Variants in CRYBG1 observed in about 807,000 individuals in gnomAD.
The protein encoded by CRYBG1 is crystallin beta-gamma domain containing 1.
Under a neutral mutation model 189.2 loss-of-function variants are expected in CRYBG1, and 139 were observed. The observed-to-expected ratio is 0.73, with a 90% CI of 0.64 to 0.85. CRYBG1 has a LOEUF of 0.85. Among genes scored for constraint, CRYBG1 ranks in the 40% least tolerant of loss-of-function variants. CRYBG1 has a pLI of 0.00. For missense variants in CRYBG1, 2,611 were observed against 2,675.8 expected (o/e 0.98, Z 0.53); for synonymous variants, 1,023 against 1,017.1 (o/e 1.01, Z -0.11).
chr6:106,569,088 A>T lies in CRYBG1; in HGVS notation c.*522A>T, dbSNP rs1774982657. The T allele has an allele frequency of 6.5e-6, 1 of 153,378 alleles. No individual in the cohort carries two copies. Among genetic ancestry groups the T allele is most frequent in the Non-Finnish European group, 1.5e-5 (1 of 68,846 alleles). The allele number at this position is 153,378 out of a possible 1,614,324, so 9.5% of individuals were successfully genotyped here. A position where few individuals can be genotyped will look rare whatever the true frequency, so the allele number is the denominator to read the frequency against. On this transcript the variant is annotated 3_prime_UTR_variant, in exon 22 of 22. Transcript: ENST00000633556. ...TAAACACTTTCTGGAACCTTTAAAT[A>T]TGCTGCATAGCACAATGGGAAAGCC...
chr6:106,473,641 G>C (rs1204692110), intron 2 of CRYBG1, among the ~76,000 whole-genome samples: 1 of 152,046 alleles, frequency 6.6e-6, no homozygotes, highest in African/African-American at 2.4e-5. Context: ...TGTGCCCCAG[G>C]GATGTTAACC....
chr6:106,368,951 T>C (rs1769959943), intron 1 of CRYBG1, among the ~76,000 whole-genome samples: 1 of 152,206 alleles, frequency 6.6e-6, no homozygotes, highest in African/African-American at 2.4e-5. Context: ...CAACAAAATG[T>C]CACTTAAAAT....
At chr6:106,372,239 T>C (rs1352494697) in intron 1 of CRYBG1, among the ~76,000 whole-genome samples, 1 of 152,060 alleles carries the variant, frequency 6.6e-6, no homozygotes, top group East Asian at 1.9e-4. Context: ...GAGGTTTTTG[T>C]CATTACTTTG....
chr6:106,455,429 C>A (rs1771865484), intron 2 of CRYBG1, among the ~76,000 whole-genome samples: 1 of 150,034 alleles, frequency 6.7e-6, no homozygotes. Context: ...GTCTTGATTC[C>A]ACTATGAGGA....
chr6:106,370,380 C>A (rs1014811425), intron 1 of CRYBG1, among the ~76,000 whole-genome samples: 1 of 152,232 alleles, frequency 6.6e-6, no homozygotes, highest in African/African-American at 2.4e-5. Flanking sequence ...TAGTTGCTGC[C>A]CATGCTAAAG....
At chr6:106,442,742 C>T (rs1005199108) in intron 1 of CRYBG1, among the ~76,000 whole-genome samples, 5 of 152,032 alleles carry the variant, frequency 3.3e-5, no homozygotes, top group Non-Finnish European at 4.4e-5. Flanking sequence ...TTATATGCCA[C>T]GGCAGAAACA....
intron 1 of CRYBG1, among the ~76,000 whole-genome samples, chr6:106,414,853 T>G (rs1770992660): frequency 6.6e-6 from 1 of 152,218 alleles, no homozygotes; most frequent in South Asian, 2.1e-4. Flanking sequence ...TCAACCCATG[T>G]GACTTCAAAA....
intron 2 of CRYBG1, among the ~76,000 whole-genome samples, chr6:106,468,764 G>C (rs572395717): frequency 4.6e-5 from 7 of 152,282 alleles, no homozygotes; most frequent in African/African-American, 1.7e-4. Context: ...TACATGAAAT[G>C]CACACAAAAA....
intron 2 of CRYBG1, among the ~76,000 whole-genome samples, chr6:106,499,459 C>CTG (rs59251165): frequency 0.011 from 1,610 of 151,306 alleles, 22 homozygotes; most frequent in African/African-American, 0.036. Flanking sequence ...CGCACCCAGC[C>CTG]TGTGTGTGTT....
chr6:106,521,556 T>A, intron 4 of CRYBG1, 103 bp downstream of exon 4: 2 of 1,279,410 alleles, frequency 1.6e-6, no homozygotes, highest in Non-Finnish European at 2.1e-6. Context: ...GTTAAGCTTA[T>A]GTGCTATAGT....
At chr6:106,450,151 G>A (rs1048230025) in intron 1 of CRYBG1, among the ~76,000 whole-genome samples, 3 of 151,286 alleles carry the variant, frequency 2.0e-5, no homozygotes, top group Non-Finnish European at 4.4e-5. Flanking sequence ...CCGGGAGGTG[G>A]AGGTTGCAGT....
Position 106,525,402 on chromosome 6 carries a change from T to A in CRYBG1, c.4412+16T>A. 1 of 1,584,904 alleles carries A rather than the reference T, an allele frequency of 6.3e-7. No homozygotes were observed. Among genetic ancestry groups the A allele is most frequent in the Non-Finnish European group, 8.7e-7 (1 of 1,153,328 alleles). On this transcript the variant is annotated intron_variant, in intron 6 of 21. Coordinates refer to ENST00000633556, the MANE Select transcript of CRYBG1 (RefSeq NM_001371242.2). Reference sequence around the variant, plus strand: ...TTAGAGGATGGTAAGAATGGCACTTTAAGTTCCTGATGTCAAGTGTTTGAG... The same window carrying A: ...TTAGAGGATGGTAAGAATGGCACTTAAAGTTCCTGATGTCAAGTGTTTGAG...
intron 16 of CRYBG1, among the ~76,000 whole-genome samples, chr6:106,554,411 C>A (rs1011829120): frequency 1.3e-5 from 2 of 152,098 alleles, no homozygotes; most frequent in African/African-American, 4.8e-5. Context: ...GTCAGGAGAT[C>A]GAGACCAGCC....
rs764284968 is a variant in CRYBG1 at position 106,520,539 on chromosome 6, A to G, written c.3331A>G (p.Ile1111Val). Residue 1111 changes from isoleucine to valine, a missense_variant, in exon 4 of 22, where the codon ATT becomes GTT. Physicochemically the swap from Ile to Val is conservative, Grantham distance 29. Transcript: ENST00000633556. ...SSSDMEKFTE[I>V]IKQMDSAVCM... is the part of the protein sequence containing the mutation. Reference sequence around the variant, plus strand: ...TTCTGATATGGAAAAATTCACTGAAATTATAAAACAGATGGATAGCGCAGT... The same window carrying G: ...TTCTGATATGGAAAAATTCACTGAAGTTATAAAACAGATGGATAGCGCAGT... The G allele has an allele frequency of 6.2e-7, 1 of 1,614,162 alleles. No homozygotes were observed. The highest frequency in any genetic ancestry group is 8.5e-7 in the Non-Finnish European group (1 of 1,180,002).
At chr6:106,488,662 G>A (rs923213858) in intron 2 of CRYBG1, among the ~76,000 whole-genome samples, 2 of 152,152 alleles carry the variant, frequency 1.3e-5, no homozygotes, top group Non-Finnish European at 2.9e-5. Flanking sequence ...AGGGGGGTGG[G>A]TGCCTGTGGG....
chr6:106,561,180 T>C (rs1222329320), intron 19 of CRYBG1, among the ~76,000 whole-genome samples, 162 bp from the exon 20 acceptor site: 1 of 152,186 alleles, frequency 6.6e-6, no homozygotes, highest in Non-Finnish European at 1.5e-5. Flanking sequence ...TGACATTTTG[T>C]CAAACTCTTC....
chr6:106,403,927 G>A (rs77750653), intron 1 of CRYBG1, among the ~76,000 whole-genome samples: 2,685 of 152,342 alleles, frequency 0.018, 81 homozygotes, highest in African/African-American at 0.061. Flanking sequence ...TTGAGAAGGG[G>A]AACTCATGAG....
At chr6:106,441,615 C>G (rs1239825358) in intron 1 of CRYBG1, among the ~76,000 whole-genome samples, 1 of 152,158 alleles carries the variant, frequency 6.6e-6, no homozygotes, top group Non-Finnish European at 1.5e-5. Context: ...GATGACAATT[C>G]TAGTCGCTAC....
chr6:106,435,211 T>A (rs888982829), intron 1 of CRYBG1, among the ~76,000 whole-genome samples: 3 of 152,142 alleles, frequency 2.0e-5, no homozygotes, highest in Non-Finnish European at 2.9e-5. Context: ...GGTCTCCCTC[T>A]GTCAACCAGG....
Sources: allele counts gnomAD v4.1 joint callset (sites outside exome capture counted in the v4.1 genomes callset), GRCh38; gene constraint gnomAD v4.1.1; transcripts MANE v1.5; gene names NCBI Gene and HGNC (gene_info 2026-07-23, HGNC 2026-07-21).